SYT16: variants seen among roughly 807,000 people sequenced by gnomAD.
SYT16 encodes the protein synaptotagmin 16, also known as synaptotagmin-16.
In SYT16, 42 loss-of-function variants were observed where a neutral mutation model predicts 61.4. That is an observed-to-expected ratio of 0.68 (90% CI 0.53 to 0.89). The LOEUF is 0.89. SYT16 is among the 40% of genes least tolerant of loss of function. SYT16 has a pLI of 0.00. For synonymous variants in SYT16, 314 were observed against 302.3 expected, an observed-to-expected ratio of 1.04 and a Z score of -0.40; for missense variants, 804 against 807.3, an observed-to-expected ratio of 1.00 and a Z score of 0.05.
At chr14:61,847,340 CT>C (rs1412756180) in intron 1 of SYT16, among the ~76,000 whole-genome samples, 2 of 152,014 alleles carry the variant, frequency 1.3e-5, no homozygotes, top group East Asian at 3.8e-4. Context: ...TGGTAAAAGT[CT>C]TTTTTTCCCC....
At chr14:61,981,421 G>A (rs1001455698) in intron 2 of SYT16, among the ~76,000 whole-genome samples, 1 of 152,060 alleles carries the variant, frequency 6.6e-6, no homozygotes, top group African/African-American at 2.4e-5. Flanking sequence ...GTTGGGAAAA[G>A]AAAATCTTCA....
intron 1 of SYT16, among the ~76,000 whole-genome samples, chr14:61,816,782 C>T (rs1409699911): frequency 3.3e-5 from 5 of 151,936 alleles, no homozygotes; most frequent in Non-Finnish European, 7.4e-5. Flanking sequence ...GAGGCCGAGG[C>T]GGACGGATCA....
rs2057590422 is a variant in SYT16 at position 62,110,565 on chromosome 14, G to A, written c.*9858G>A. Reference sequence around the variant, plus strand: ...ACTTTTAGAGCTCTGCCAATCAGTGGGCCATATTCATAGAATGTCAGTAAT... The same window carrying A: ...ACTTTTAGAGCTCTGCCAATCAGTGAGCCATATTCATAGAATGTCAGTAAT... On this transcript the variant is annotated 3_prime_UTR_variant, in exon 8 of 8. Transcript: ENST00000683842. The A allele has an allele frequency of 6.6e-6, 1 of 151,976 alleles. No individual in the cohort carries two copies. Among genetic ancestry groups the A allele is most frequent in the South Asian group, 2.1e-4 (1 of 4,812 alleles). 9.4% of individuals were successfully genotyped at this position (151,976 alleles called of 1,614,324 possible).
intron 1 of SYT16, among the ~76,000 whole-genome samples, chr14:61,930,627 C>T (rs1566689658): frequency 1.3e-5 from 2 of 152,030 alleles, no homozygotes; most frequent in African/African-American, 2.4e-5. Flanking sequence ...ATCCCCAGGA[C>T]CCATGAATAT....
intron 1 of SYT16, among the ~76,000 whole-genome samples, chr14:61,949,319 A>C (rs565667959): frequency 6.6e-6 from 1 of 152,234 alleles, no homozygotes; most frequent in Non-Finnish European, 1.5e-5. Flanking sequence ...CTCACAGCCA[A>C]GTACTCTTTT....
intron 3 of SYT16, among the ~76,000 whole-genome samples, chr14:62,056,340 G>A (rs992446817): frequency 2.6e-5 from 4 of 152,068 alleles, no homozygotes; most frequent in Admixed American, 6.5e-5. Context: ...TACAGCCCTC[G>A]CACTTCTACA....
intron 1 of SYT16, among the ~76,000 whole-genome samples, chr14:61,903,264 CT>C (rs57869503): frequency 5.3e-3 from 763 of 143,764 alleles, no homozygotes; most frequent in Middle Eastern, 7.1e-3. Context: ...TTCATTATGT[CT>C]TTTTTTTTTT....
At position 61,960,251 on chromosome 14, in the gene SYT16, G is replaced by C. The variant is rs1486346003; in HGVS notation, c.-324-9881G>C. ...GATTCTGTGAAGAATGTCACTGGTA[G>C]TTTGATAGAAATAACATTGAATCTA... On this transcript the variant is annotated intron_variant, in intron 1 of 7. Coordinates refer to ENST00000683842, the MANE Select transcript of SYT16 (RefSeq NM_001367656.1). Among the ~76,000 whole-genome samples, 5 of 152,306 alleles carry C rather than the reference G, an allele frequency of 3.3e-5. No individual in the cohort carries two copies. In the East Asian group the frequency reaches 9.6e-4, roughly 29 times the overall value.
At chr14:62,013,950 C>T (rs577168314) in intron 3 of SYT16, among the ~76,000 whole-genome samples, 24 of 150,304 alleles carry the variant, frequency 1.6e-4, no homozygotes, top group Admixed American at 9.3e-4. Flanking sequence ...CGCAACAGAG[C>T]GAGATTCCAT....
intron 1 of SYT16, among the ~76,000 whole-genome samples, chr14:61,818,244 C>T (rs564085239): frequency 2.6e-5 from 4 of 152,298 alleles, no homozygotes; most frequent in Admixed American, 2.6e-4. Context: ...TTGCATCCAT[C>T]TCCACCTCCA....
At chr14:61,925,823 G>A (rs1023197827) in intron 1 of SYT16, among the ~76,000 whole-genome samples, 2 of 152,164 alleles carry the variant, frequency 1.3e-5, no homozygotes, top group African/African-American at 4.8e-5. Flanking sequence ...GCTGTGTGTG[G>A]GGCCTACACA....
At chr14:62,022,874 T>G (rs2053965965) in intron 3 of SYT16, among the ~76,000 whole-genome samples, 1 of 152,132 alleles carries the variant, frequency 6.6e-6, no homozygotes, top group South Asian at 2.1e-4. Flanking sequence ...TAGAATACTT[T>G]TAAGTTCTAG....
intron 1 of SYT16, among the ~76,000 whole-genome samples, chr14:61,835,629 T>G (rs1307222906): frequency 6.6e-6 from 1 of 152,010 alleles, no homozygotes; most frequent in African/African-American, 2.4e-5. Flanking sequence ...TTTTAAAAGA[T>G]CAAAAAATAC....
intron 3 of SYT16, among the ~76,000 whole-genome samples, chr14:62,026,827 G>C (rs1280257830): frequency 1.3e-5 from 2 of 152,076 alleles, no homozygotes; most frequent in Admixed American, 1.3e-4. Flanking sequence ...CCAAGTATAG[G>C]TACTTTGACA....
At chr14:61,908,714 T>A (rs9323375) in intron 1 of SYT16, among the ~76,000 whole-genome samples, 26,458 of 152,182 alleles carry the variant, frequency 0.17, 2,735 homozygotes, top group East Asian at 0.33. Flanking sequence ...AATCTTATAC[T>A]GAGAGATACA....
rs555314402 is a variant in SYT16 at position 62,056,965 on chromosome 14, T to C, written c.524-12638T>C. ...GGAGGCTCTTCGGGAGGCATGAAAG[T>C]CAGACGTGTTCCGAAACGTGAGCCG... On this transcript the variant is annotated intron_variant, in intron 3 of 7. Transcript: ENST00000683842. 2.0e-5 allele frequency among the ~76,000 whole-genome samples: 3 copies of C among 152,114 alleles called. No homozygotes were observed. The South Asian group carries it at 6.2e-4, about 32-fold the overall frequency.
chr14:61,959,820 A>G (rs567089448), intron 1 of SYT16, among the ~76,000 whole-genome samples: 2 of 152,120 alleles, frequency 1.3e-5, no homozygotes, highest in Admixed American at 1.3e-4. Flanking sequence ...ATGGTGGTGC[A>G]CTACCTTAGT....
At chr14:61,833,608 CAG>C (rs2046014775) in intron 1 of SYT16, among the ~76,000 whole-genome samples, 1 of 149,296 alleles carries the variant, frequency 6.7e-6, no homozygotes, top group African/African-American at 2.5e-5. Context: ...TTAGTAGAGA[CAG>C]AGTTTTGCCA....
intron 3 of SYT16, among the ~76,000 whole-genome samples, chr14:62,008,713 A>G (rs2053325197): frequency 6.6e-6 from 1 of 151,712 alleles, no homozygotes; most frequent in Non-Finnish European, 1.5e-5. Context: ...ACTTTATACA[A>G]GTGATATAAT....
Sources: gnomAD v4.1 joint callset for allele counts (sites outside exome capture counted in the v4.1 genomes callset) on GRCh38, gnomAD v4.1.1 for gene constraint, MANE v1.5 for transcripts, NCBI Gene and HGNC (gene_info 2026-07-23, HGNC 2026-07-21) for gene names.